GRHL2: variants seen among roughly 807,000 people sequenced by gnomAD.
GRHL2 encodes the protein grainyhead like transcription factor 2.
In GRHL2, 21 loss-of-function variants were observed where a neutral mutation model predicts 83.8. The observed-to-expected ratio is 0.25, with a 90% CI of 0.18 to 0.36. GRHL2 has a LOEUF of 0.36. Among genes scored for constraint, GRHL2 ranks in the 10% least tolerant of loss-of-function variants. GRHL2 has a pLI of 1.00. For missense variants in GRHL2, 623 were observed against 781.8 expected (o/e 0.80, Z 2.42); for synonymous variants, 280 against 278.9 (o/e 1.00, Z -0.04).
chr8:101,592,259 C>T (rs1479801985), intron 7 of GRHL2, among the ~76,000 whole-genome samples: 2 of 151,938 alleles, frequency 1.3e-5, no homozygotes, highest in Non-Finnish European at 2.9e-5. Flanking sequence ...TGCCCACAAC[C>T]ACGCCCGGCT....
intron 2 of GRHL2, among the ~76,000 whole-genome samples, chr8:101,547,215 T>C (rs1811285021): frequency 7.6e-6 from 1 of 131,306 alleles, no homozygotes; most frequent in African/African-American, 3.0e-5. Context: ...AGTGAAATGT[T>C]AATGAAACAC....
chr8:101,598,997 G>T, intron 7 of GRHL2, 60 bp from the exon 8 acceptor site: 1 of 1,152,058 alleles, frequency 8.7e-7, no homozygotes. Context: ...TGATGGTTCA[G>T]TACATGTCAC....
chr8:101,561,993 A>C lies in GRHL2; in HGVS notation c.678+3181A>C, dbSNP rs185680243. 7.6e-5 allele frequency: 57 copies of C among 747,540 alleles called. No homozygotes were observed. The African/African-American group carries it at 8.2e-4, about 11-fold the overall frequency. The allele number at this position is 747,540 out of a possible 1,614,324, so 46.3% of individuals were successfully genotyped here. Reference sequence around the variant, plus strand: ...ATGTACATAAAAGAAATGGTTACAGAGATTTTTAAGAAGCATCTTCCATGT... The same window carrying C: ...ATGTACATAAAAGAAATGGTTACAGCGATTTTTAAGAAGCATCTTCCATGT... On this transcript the variant is annotated intron_variant, in intron 4 of 15. Coordinates refer to ENST00000646743, the MANE Select transcript of GRHL2 (RefSeq NM_024915.4).
chr8:101,515,147 C>T (rs1416050741), intron 1 of GRHL2, among the ~76,000 whole-genome samples: 1 of 138,358 alleles, frequency 7.2e-6, no homozygotes, highest in African/African-American at 2.8e-5. Context: ...GACTCAACTC[C>T]CTCTCTCTTT....
intron 1 of GRHL2, among the ~76,000 whole-genome samples, chr8:101,515,064 T>C (rs1393215173): frequency 2.0e-5 from 3 of 150,316 alleles, no homozygotes; most frequent in African/African-American, 7.4e-5. Context: ...CTTCCTTCCC[T>C]TGTTCCTACC....
chr8:101,591,860 A>G (rs1383774066), intron 7 of GRHL2, among the ~76,000 whole-genome samples: 2 of 152,184 alleles, frequency 1.3e-5, no homozygotes, highest in African/African-American at 2.4e-5. Flanking sequence ...GGAGATGACA[A>G]TGTCTTTATC....
chr8:101,530,048 C>T (rs910389174), intron 1 of GRHL2, among the ~76,000 whole-genome samples: 2 of 152,186 alleles, frequency 1.3e-5, no homozygotes, highest in Non-Finnish European at 2.9e-5. Flanking sequence ...TTTAAGAAGC[C>T]AACTAATGTT....
At chr8:101,673,501 A>C, downstream of GRHL2, among the ~76,000 whole-genome samples, 1 of 144,286 alleles carries the variant, frequency 6.9e-6, no homozygotes. Context: ...AGAAGAGCTA[A>C]CTATCCTAAA....
intron 7 of GRHL2, among the ~76,000 whole-genome samples, chr8:101,596,120 A>G (rs1281831623): frequency 4.8e-5 from 1 of 21,000 alleles, no homozygotes; most frequent in Non-Finnish European, 1.0e-4. Flanking sequence ...ACTCCGTCTC[A>G]AAAAATAAAA....
intron 4 of GRHL2, among the ~76,000 whole-genome samples, chr8:101,567,970 G>A (rs1811748874): frequency 6.6e-6 from 1 of 152,140 alleles, no homozygotes; most frequent in South Asian, 2.1e-4. Context: ...ATGCATCTGT[G>A]TCTCCAATAG....
intron 1 of GRHL2, among the ~76,000 whole-genome samples, chr8:101,542,581 T>A (rs918460174): frequency 2.0e-5 from 3 of 150,670 alleles, no homozygotes; most frequent in Admixed American, 6.6e-5. Flanking sequence ...AATAAATAAA[T>A]AAAATTACTT....
intron 3 of GRHL2, among the ~76,000 whole-genome samples, chr8:101,553,978 A>G (rs899404393): frequency 4.6e-5 from 7 of 152,182 alleles, no homozygotes; most frequent in Non-Finnish European, 8.8e-5. Flanking sequence ...CTTCCCCTGC[A>G]GTGGGATGGA....
At chr8:101,670,931 G>T (rs904848795), downstream of GRHL2, among the ~76,000 whole-genome samples, 18 of 152,312 alleles carry the variant, frequency 1.2e-4, no homozygotes, top group African/African-American at 4.3e-4. Flanking sequence ...GGTGCAAAAG[G>T]ATAGTGATCT....
intron 8 of GRHL2, among the ~76,000 whole-genome samples, chr8:101,605,562 G>T (rs632216): frequency 0.019 from 2,958 of 152,272 alleles, 49 homozygotes; most frequent in Non-Finnish European, 0.032. Context: ...TTTGCCACCT[G>T]CCCTGTCCTC....
At chr8:101,498,477 G>C (rs1810154219) in intron 1 of GRHL2, among the ~76,000 whole-genome samples, 1 of 152,170 alleles carries the variant, frequency 6.6e-6, no homozygotes, top group African/African-American at 2.4e-5. Context: ...GTAGCGCAAA[G>C]TCAAAGGTAA....
intron 12 of GRHL2, among the ~76,000 whole-genome samples, chr8:101,640,591 C>A (rs897918515): frequency 2.0e-5 from 3 of 152,154 alleles, no homozygotes; most frequent in Non-Finnish European, 4.4e-5. Context: ...TTCTGGAGAT[C>A]TGGTCTTCAT....
chr8:101,563,780 G>A (rs1811657882), intron 4 of GRHL2, among the ~76,000 whole-genome samples: 1 of 150,580 alleles, frequency 6.6e-6, no homozygotes, highest in Non-Finnish European at 1.5e-5. Flanking sequence ...CTTTGGTATT[G>A]TTGATTATTT....
intron 1 of GRHL2, among the ~76,000 whole-genome samples, chr8:101,515,176 G>GCACGCACACACACACA (rs1554582182): frequency 6.9e-6 from 1 of 144,444 alleles, no homozygotes. Context: ...CTGTCTCTCT[G>GCACGCACACACACACA]CACACACACA....
chr8:101,501,480 G>C (rs1278638926), intron 1 of GRHL2, among the ~76,000 whole-genome samples: 3 of 152,196 alleles, frequency 2.0e-5, no homozygotes, highest in African/African-American at 7.2e-5. Flanking sequence ...ACAAGGAAAG[G>C]CTGAAGTGAA....
Sources: gnomAD v4.1 joint callset for allele counts (sites outside exome capture counted in the v4.1 genomes callset) on GRCh38, gnomAD v4.1.1 for gene constraint, MANE v1.5 for transcripts, NCBI Gene and HGNC (gene_info 2026-07-23, HGNC 2026-07-21) for gene names.